CHRNA5: variants seen among roughly 807,000 people sequenced by gnomAD.
The protein encoded by CHRNA5 is neuronal acetylcholine receptor subunit alpha-5.
In CHRNA5, 28 loss-of-function variants were observed where a neutral mutation model predicts 41.2. The observed-to-expected ratio is 0.68, with a 90% CI of 0.50 to 0.93. The LOEUF is 0.93. Ranked by LOEUF, CHRNA5 falls within the 40% of genes least tolerant of loss-of-function variation. CHRNA5 has a pLI of 0.00. For missense variants in CHRNA5, 481 were observed against 581.9 expected (o/e 0.83, Z 1.78); for synonymous variants, 188 against 205.8 (o/e 0.91, Z 0.74).
chr15:78,586,340 A>G (rs56211565), intron 2 of CHRNA5, among the ~76,000 whole-genome samples: 318 of 152,360 alleles, frequency 2.1e-3, no homozygotes, highest in Middle Eastern at 0.01. Context: ...AAATAACACT[A>G]TGCTTATATC....
At chr15:78,589,769 A>G (rs1306936029) in intron 4 of CHRNA5, 36 bp from the exon 5 acceptor site, 1 of 1,446,760 alleles carries the variant, frequency 6.9e-7, no homozygotes, top group Non-Finnish European at 9.4e-7. Context: ...GCATTGTTTA[A>G]TTTCTGCATT....
chr15:78,578,637 G>A (rs1187428244), intron 1 of CHRNA5, among the ~76,000 whole-genome samples: 5 of 152,302 alleles, frequency 3.3e-5, no homozygotes, highest in East Asian at 1.9e-4. Flanking sequence ...TCCAGCTAGA[G>A]TACCTGGATA....
rs1160756949 is a variant in CHRNA5, at chr15:78,570,508, G to T, written c.106+4683G>T. ...TGGTCTTGAACTCCTGGCCTCGAAT[G>T]ATCCGCCCGCCTTGGCTTCGCAAAG... On this transcript the variant is annotated intron_variant, in intron 1 of 5. Transcript: ENST00000299565. Among the ~76,000 whole-genome samples, 23 of 141,214 alleles carry T rather than the reference G, an allele frequency of 1.6e-4. No individual in the cohort carries two copies. The Admixed American group carries it at 1.8e-3, about 11-fold the overall frequency. 92.6% of individuals were successfully genotyped at this position (141,214 alleles called of 152,430 possible). A position where few individuals can be genotyped will look rare whatever the true frequency, so the allele number is the denominator to read the frequency against.
chr15:78,590,837 A>C (rs1439674267), intron 5 of CHRNA5: 1 of 558,244 alleles, frequency 1.8e-6, no homozygotes, highest in Non-Finnish European at 3.1e-6. Flanking sequence ...TGGGGCATTT[A>C]CACAAATCTC....
At chr15:78,571,356 C>T (rs2052803107) in intron 1 of CHRNA5, among the ~76,000 whole-genome samples, 1 of 152,202 alleles carries the variant, frequency 6.6e-6, no homozygotes, top group Non-Finnish European at 1.5e-5. Flanking sequence ...TCCATATTTT[C>T]TTCCAGTCCT....
intron 5 of CHRNA5, 89 bp from the exon 6 acceptor site, chr15:78,593,002 AT>A: frequency 1.3e-6 from 2 of 1,494,690 alleles, no homozygotes; most frequent in Non-Finnish European, 1.8e-6. Flanking sequence ...GCAGAAATCG[AT>A]TTGGCTTCTA....
chr15:78,589,966 C>A, exon 5 of CHRNA5: 1 of 1,614,074 alleles, frequency 6.2e-7, no homozygotes, highest in Non-Finnish European at 8.5e-7. Context: ...GGTTCTTGGA[C>A]TTATGATGGA....
At position 78,588,270 on chromosome 15, in the gene CHRNA5, C is replaced by T; in HGVS notation, c.304-44C>T. The T allele has an allele frequency of 9.6e-7, 1 of 1,044,282 alleles. No homozygotes were observed. Among genetic ancestry groups the T allele is most frequent in the Non-Finnish European group, 1.4e-6 (1 of 701,912 alleles). 64.7% of individuals were successfully genotyped at this position (1,044,282 alleles called of 1,614,324 possible). A position where few individuals can be genotyped will look rare whatever the true frequency, so the allele number is the denominator to read the frequency against. On this transcript the variant is annotated intron_variant, in intron 3 of 5. Transcript: ENST00000299565. The surrounding 1 kb of genome is among the most constrained non-coding windows in gnomAD (Gnocchi z 4.1). ...AAAGTATGGTATTCACTGTTTTTGA[C>T]TATTAGTTTTATTGAAATTGAGGCA...
At chr15:78,568,570 C>T (rs917213315) in intron 1 of CHRNA5, among the ~76,000 whole-genome samples, 3 of 151,968 alleles carry the variant, frequency 2.0e-5, no homozygotes, top group African/African-American at 7.3e-5. Flanking sequence ...CACCTATCAA[C>T]CTGTCATCTA....
At chr15:78,574,434 G>A (rs1289755008) in intron 1 of CHRNA5, among the ~76,000 whole-genome samples, 1 of 149,070 alleles carries the variant, frequency 6.7e-6, no homozygotes, top group African/African-American at 2.5e-5. Flanking sequence ...ACTATATTTA[G>A]TGAAGAAGGT....
chr15:78,584,805 T>TA (rs1425498866), intron 2 of CHRNA5, among the ~76,000 whole-genome samples: 5 of 152,224 alleles, frequency 3.3e-5, no homozygotes, highest in African/African-American at 7.2e-5. Flanking sequence ...CATATTCAGA[T>TA]ACAGGGATCA....
At chr15:78,570,701 A>T (rs1358197033) in intron 1 of CHRNA5, among the ~76,000 whole-genome samples, 2 of 152,096 alleles carry the variant, frequency 1.3e-5, no homozygotes, top group African/African-American at 4.8e-5. Flanking sequence ...GGTGATATGA[A>T]CTTTTAGGTT....
intron 2 of CHRNA5, among the ~76,000 whole-genome samples, chr15:78,584,323 A>G (rs1223786406): frequency 3.9e-5 from 6 of 152,170 alleles, no homozygotes; most frequent in African/African-American, 1.4e-4. Flanking sequence ...TAAAGATAAA[A>G]TCTTTTTATA....
intron 2 of CHRNA5, among the ~76,000 whole-genome samples, chr15:78,583,627 G>A (rs1318383700): frequency 2.6e-5 from 4 of 152,062 alleles, no homozygotes; most frequent in South Asian, 2.1e-4. Flanking sequence ...CCTGGGAGGC[G>A]GAGCTTGCAG....
intron 1 of CHRNA5, among the ~76,000 whole-genome samples, chr15:78,577,701 G>C (rs2052871326): frequency 6.6e-6 from 1 of 152,118 alleles, no homozygotes; most frequent in East Asian, 1.9e-4. Context: ...GGGAGGCAGA[G>C]GCTAGCAGAT....
At chr15:78,582,514 A>C (rs1465897570) in intron 2 of CHRNA5, among the ~76,000 whole-genome samples, 1 of 150,528 alleles carries the variant, frequency 6.6e-6, no homozygotes, top group African/African-American at 2.4e-5. Context: ...AAGAAAAAGT[A>C]AGGTGGGTGG....
At chr15:78,573,423 G>A (rs1270783655) in intron 1 of CHRNA5, among the ~76,000 whole-genome samples, 1 of 152,222 alleles carries the variant, frequency 6.6e-6, no homozygotes, top group Non-Finnish European at 1.5e-5. Context: ...AAATATGCAA[G>A]TTTTTACCCC....
exon 6 of CHRNA5, chr15:78,593,681 TTATACTGCTATATTTAAAAAGCTG>T (rs992150293): frequency 2.0e-5 from 3 of 152,976 alleles, no homozygotes; most frequent in African/African-American, 7.2e-5. Flanking sequence ...TAATATAATA[TTATACTGCTATATTTAAAAAGCTG>T]ACTACTTGAT....
At chr15:78,595,239 T>G in exon 6 of CHRNA5, 3 of 959,108 alleles carry the variant, frequency 3.1e-6, no homozygotes, top group Non-Finnish European at 2.5e-6. Context: ...TACTGTTACT[T>G]ATGATTTTTA....
Sources: allele counts gnomAD v4.1 joint callset (sites outside exome capture counted in the v4.1 genomes callset), GRCh38; gene constraint gnomAD v4.1.1; non-coding constraint Gnocchi (gnomAD v3.1); transcripts MANE v1.5; gene names NCBI Gene and HGNC (gene_info 2026-07-23, HGNC 2026-07-21).